The following SEC22A variants were observed in gnomAD, a reference collection of about 807,000 sequenced individuals.
The protein encoded by SEC22A is SEC22 homolog A, vesicle trafficking protein.
SEC22A carries 22 observed loss-of-function variants against 35.3 expected under a neutral mutation model. The observed-to-expected ratio is 0.62, with a 90% confidence interval of 0.45 to 0.89. The LOEUF (loss-of-function observed/expected upper bound fraction) is 0.89. SEC22A is among the 40% of genes least tolerant of loss of function. The pLI is 0.00. For synonymous variants in SEC22A, 119 were observed against 129.5 expected, an observed-to-expected ratio of 0.92 and a Z score of 0.55; for missense variants, 354 against 362.5, an observed-to-expected ratio of 0.98 and a Z score of 0.19.
chr3:123,217,994 GTT>G (rs1363232335), intron 2 of SEC22A, among the ~76,000 whole-genome samples: 1 of 152,186 alleles, frequency 6.6e-6, no homozygotes, highest in Non-Finnish European at 1.5e-5. Flanking sequence ...TAATGTCAGT[GTT>G]TAATTGGTGA....
At position 123,201,991 on chromosome 3, in the gene SEC22A, T is replaced by TC. The variant is rs1936748518; in HGVS notation, c.-20+9dup. On this transcript the variant is annotated splice_donor_region_variant and intron_variant, in intron 1 of 6. Transcript: ENST00000492595. ...CGGCGGGTCCCGTCTCGACAGGTAC[T>TC]CCCCGGCCCCTCCCAGTCCTCTTCT... The TC allele has an allele frequency of 6.6e-6, 1 of 152,514 alleles. No individual in the cohort carries two copies. Among genetic ancestry groups the TC allele is most frequent in the Admixed American group, 6.5e-5 (1 of 15,272 alleles). The allele number at this position is 152,514 out of a possible 1,614,324, so 9.4% of individuals were successfully genotyped here.
chr3:123,229,472 T>C (rs62262566), intron 4 of SEC22A, among the ~76,000 whole-genome samples: 1 of 152,074 alleles, frequency 6.6e-6, no homozygotes, highest in Non-Finnish European at 1.5e-5. Flanking sequence ...TCTAGCAAAG[T>C]TATCTTTTAA....
chr3:123,251,240 G>A (rs1052250094), intron 5 of SEC22A, among the ~76,000 whole-genome samples: 19 of 152,224 alleles, frequency 1.2e-4, no homozygotes, highest in African/African-American at 4.3e-4. Flanking sequence ...CTATGGTGGT[G>A]GAGTGTGAAA....
At chr3:123,231,302 A>AT (rs1937321168) in intron 4 of SEC22A, among the ~76,000 whole-genome samples, 2 of 152,224 alleles carry the variant, frequency 1.3e-5, no homozygotes, top group African/African-American at 4.8e-5. Context: ...GCACCACCAT[A>AT]TGCCAGTGAG....
intron 6 of SEC22A, among the ~76,000 whole-genome samples, chr3:123,268,261 T>C (rs952030269): frequency 6.6e-6 from 1 of 152,242 alleles, no homozygotes; most frequent in Non-Finnish European, 1.5e-5. Context: ...CCTGGTCTTT[T>C]ACCAGAGAGA....
chr3:123,222,838 C>T (rs889518597), intron 2 of SEC22A, among the ~76,000 whole-genome samples: 29 of 152,220 alleles, frequency 1.9e-4, no homozygotes, highest in African/African-American at 7.0e-4. Context: ...AATATACTAA[C>T]CCGTAAAAAT....
At chr3:123,210,973 T>C (rs1241104550) in intron 2 of SEC22A, among the ~76,000 whole-genome samples, 1 of 152,140 alleles carries the variant, frequency 6.6e-6, no homozygotes, top group Non-Finnish European at 1.5e-5. Flanking sequence ...TTGTGAGACA[T>C]GCGTGATAAT....
chr3:123,266,573 A>C (rs1376675494), intron 6 of SEC22A, among the ~76,000 whole-genome samples: 1 of 152,026 alleles, frequency 6.6e-6, no homozygotes, highest in African/African-American at 2.4e-5. Flanking sequence ...TTCACTTCTA[A>C]ATGTTTGAAG....
At chr3:123,267,747 A>G (rs1938058012) in intron 6 of SEC22A, among the ~76,000 whole-genome samples, 2 of 152,194 alleles carry the variant, frequency 1.3e-5, no homozygotes, top group South Asian at 4.1e-4. Flanking sequence ...CTTTTATGGT[A>G]GATCTGCTAG....
chr3:123,218,367 A>G (rs993826406), intron 2 of SEC22A, among the ~76,000 whole-genome samples: 1 of 152,222 alleles, frequency 6.6e-6, no homozygotes, highest in African/African-American at 2.4e-5. Flanking sequence ...GAATGGAGCT[A>G]AACAATATAA....
intron 2 of SEC22A, among the ~76,000 whole-genome samples, chr3:123,214,322 C>G (rs1936987527): frequency 6.6e-6 from 1 of 152,148 alleles, no homozygotes; most frequent in African/African-American, 2.4e-5. Flanking sequence ...TTCTGTTTCG[C>G]CAATGAAGGA....
At chr3:123,202,538 C>G (rs553607231) in intron 1 of SEC22A, among the ~76,000 whole-genome samples, 2 of 152,114 alleles carry the variant, frequency 1.3e-5, no homozygotes, top group Non-Finnish European at 2.9e-5. Flanking sequence ...TCTTGAGACC[C>G]TGTCTCAAGA....
chr3:123,262,536 G>A (rs1397361269), intron 6 of SEC22A, among the ~76,000 whole-genome samples: 3 of 152,040 alleles, frequency 2.0e-5, no homozygotes, highest in African/African-American at 4.8e-5. Flanking sequence ...CTATGTTTCA[G>A]GTACTCACAT....
intron 4 of SEC22A, among the ~76,000 whole-genome samples, chr3:123,232,154 G>T (rs1300170787): frequency 2.0e-5 from 3 of 152,154 alleles, no homozygotes; most frequent in African/African-American, 4.8e-5. Flanking sequence ...GACGAGAATT[G>T]CTTAAAACGT....
At chr3:123,260,160 A>C (rs1044129203) in intron 6 of SEC22A, among the ~76,000 whole-genome samples, 4 of 134,306 alleles carry the variant, frequency 3.0e-5, no homozygotes, top group African/African-American at 5.5e-5. Context: ...AAAAAAAAAA[A>C]AAAAAAAAAC....
chr3:123,255,023 A>G (rs1390814453), intron 5 of SEC22A, among the ~76,000 whole-genome samples: 2 of 152,086 alleles, frequency 1.3e-5, no homozygotes, highest in African/African-American at 2.4e-5. Context: ...GATATCCACC[A>G]TTAAGCTCAC....
At chr3:123,261,257 GT>G (rs2108101022) in intron 6 of SEC22A, among the ~76,000 whole-genome samples, 1 of 152,236 alleles carries the variant, frequency 6.6e-6, no homozygotes, top group East Asian at 1.9e-4. Context: ...ATTTGTTAAT[GT>G]CACATAGTGC....
At chr3:123,251,903 T>C (rs776337742) in intron 5 of SEC22A, among the ~76,000 whole-genome samples, 8 of 152,240 alleles carry the variant, frequency 5.3e-5, no homozygotes, top group Non-Finnish European at 1.2e-4. Context: ...TAGAATTCTC[T>C]GCTTTGTAAA....
chr3:123,214,321 G>A (rs955869232), intron 2 of SEC22A, among the ~76,000 whole-genome samples: 1 of 152,140 alleles, frequency 6.6e-6, no homozygotes, highest in African/African-American at 2.4e-5. Context: ...CTTCTGTTTC[G>A]CCAATGAAGG....
Sources: gnomAD v4.1 joint callset for allele counts (sites outside exome capture counted in the v4.1 genomes callset) on GRCh38, gnomAD v4.1.1 for gene constraint, MANE v1.5 for transcripts, NCBI Gene and HGNC (gene_info 2026-07-23, HGNC 2026-07-21) for gene names.